Variants in BLTP1 observed in about 807,000 individuals in gnomAD.
The protein encoded by BLTP1 is fragile site-associated protein.
the BLTP1 span, chr4:122,164,544 T>C: frequency 2.8e-6 from 1 of 356,568 alleles, no homozygotes; most frequent in Non-Finnish European, 3.9e-6. Context: ...ACTTATCCTA[T>C]TGCTGCTGGT....
the BLTP1 span, among the ~76,000 whole-genome samples, chr4:122,230,569 C>T: frequency 6.6e-6 from 1 of 152,138 alleles, no homozygotes; most frequent in East Asian, 1.9e-4. Context: ...TCATTCATTC[C>T]TAGAAATCAC....
the BLTP1 span, among the ~76,000 whole-genome samples, chr4:122,294,218 G>A: frequency 6.6e-6 from 1 of 152,094 alleles, no homozygotes; most frequent in East Asian, 1.9e-4. Context: ...GATGAGGGGC[G>A]TTTCCCCCAG....
At chr4:122,227,042 AAG>A in the BLTP1 span, 5 of 551,022 alleles carry the variant, frequency 9.1e-6, no homozygotes, top group African/African-American at 8.3e-5. Context: ...CAAATTAAAA[AAG>A]AAACAGAATT....
the BLTP1 span, chr4:122,185,985 T>C: frequency 1.4e-6 from 2 of 1,384,704 alleles, no homozygotes; most frequent in Admixed American, 4.8e-5. Context: ...GTAAAAACTT[T>C]GAAGTTCTTA....
the BLTP1 span, chr4:122,345,945 C>G: frequency 1.3e-6 from 1 of 782,292 alleles, no homozygotes; most frequent in Non-Finnish European, 1.5e-6. Flanking sequence ...ACTGAAGGAG[C>G]AGTGAAGCCA....
the BLTP1 span, chr4:122,224,363 G>C: frequency 1.1e-6 from 1 of 941,430 alleles, no homozygotes; most frequent in South Asian, 1.8e-5. Context: ...GTTGTGTTAG[G>C]AGCTTGTGGA....
chr4:122,300,575 A>G, the BLTP1 span, among the ~76,000 whole-genome samples: 1 of 152,150 alleles, frequency 6.6e-6, no homozygotes, highest in Non-Finnish European at 1.5e-5. Context: ...TTTTTATCAT[A>G]GTACTAACTA....
the BLTP1 span, chr4:122,220,200 C>G: frequency 1.0e-6 from 1 of 968,784 alleles, no homozygotes; most frequent in Admixed American, 2.9e-5. Context: ...AGTTATTTTT[C>G]TCAGTAATCA....
At chr4:122,192,362 A>G in the BLTP1 span, 1 of 1,609,386 alleles carries the variant, frequency 6.2e-7, no homozygotes, top group East Asian at 2.2e-5. Context: ...ATTATGGACC[A>G]TGGGCCGATA....
chr4:122,235,132 T>C, the BLTP1 span: 1 of 1,052,472 alleles, frequency 9.5e-7, no homozygotes, highest in Non-Finnish European at 1.4e-6. Context: ...CTTTGTGTGA[T>C]GTTATGAGTA....
chr4:122,316,807 C>T, the BLTP1 span: 2 of 1,612,702 alleles, frequency 1.2e-6, no homozygotes, highest in African/African-American at 1.3e-5. Context: ...AATTATGAAG[C>T]GTATAGTGGA....
chr4:122,239,694 G>A, the BLTP1 span: 1 of 1,614,100 alleles, frequency 6.2e-7, no homozygotes, highest in Non-Finnish European at 8.5e-7. Flanking sequence ...TGTAACAGTT[G>A]GAGTCCAGTT....
chr4:122,344,655 A>G, the BLTP1 span: 26 of 1,192,682 alleles, frequency 2.2e-5, no homozygotes, highest in Non-Finnish European at 3.0e-5. Flanking sequence ...AAGTCACTTA[A>G]TGTTAAGCTT....
At chr4:122,312,896 G>T in the BLTP1 span, 1 of 866,590 alleles carries the variant, frequency 1.2e-6, no homozygotes, top group Non-Finnish European at 1.4e-6. Context: ...AGTTTAAATT[G>T]ATATTTAGTT....
At chr4:122,160,404 G>A in the BLTP1 span, among the ~76,000 whole-genome samples, 1 of 151,982 alleles carries the variant, frequency 6.6e-6, no homozygotes, top group African/African-American at 2.4e-5. Context: ...AAGCAGAGAG[G>A]GTCCTACAAA....
the BLTP1 span, chr4:122,176,056 C>T: frequency 3.8e-6 from 2 of 520,680 alleles, no homozygotes; most frequent in East Asian, 3.4e-5. Context: ...AATCCCAGCA[C>T]TTTGGGAGGC....
At chr4:122,227,174 A>C in the BLTP1 span, 3 of 1,007,110 alleles carry the variant, frequency 3.0e-6, no homozygotes, top group Non-Finnish European at 3.6e-6. Flanking sequence ...AGCAAAGAGA[A>C]GGTTGAATTC....
chr4:122,291,906 C>A, the BLTP1 span: 1 of 809,490 alleles, frequency 1.2e-6, no homozygotes, highest in Non-Finnish European at 1.5e-6. Flanking sequence ...AAAAGGTATT[C>A]AAGGTTGTGA....
the BLTP1 span, among the ~76,000 whole-genome samples, chr4:122,165,441 A>G: frequency 6.7e-6 from 1 of 148,932 alleles, no homozygotes; most frequent in African/African-American, 2.4e-5. Context: ...CATGGTGTAT[A>G]TGTGCCACAT....
Sources: gnomAD v4.1 joint callset for allele counts (sites outside exome capture counted in the v4.1 genomes callset) on GRCh38, gnomAD v4.1.1 for gene constraint, MANE v1.5 for transcripts, NCBI Gene and HGNC (gene_info 2026-07-23, HGNC 2026-07-21) for gene names.